USP36: variants seen among roughly 807,000 people sequenced by gnomAD.
USP36 encodes the protein ubiquitin specific peptidase 36.
Under a neutral mutation model 111.5 loss-of-function variants are expected in USP36, and 59 were observed. That is an observed-to-expected ratio of 0.53 (90% CI 0.43 to 0.66). The LOEUF (loss-of-function observed/expected upper bound fraction) is 0.66, where lower values mean the gene tolerates loss of function less well. Among genes scored for constraint, USP36 ranks in the 30% least tolerant of loss-of-function variants. The probability of loss-of-function intolerance (pLI) is 0.00; values close to 1 mark genes in which losing one functional copy is unlikely to be tolerated. For synonymous variants in USP36, 628 were observed against 581.0 expected, an observed-to-expected ratio of 1.08 and a Z score of -1.16; for missense variants, 1,488 against 1,468.0, an observed-to-expected ratio of 1.01 and a Z score of -0.22.
chr17:78,835,421 G>T lies in USP36; in HGVS notation c.334C>A (p.Leu112Met). The T allele has an allele frequency of 6.2e-7, 1 of 1,614,270 alleles. No homozygotes were observed. The highest frequency in any genetic ancestry group is 1.1e-5 in the South Asian group (1 of 91,090). ...KVLFPTERLS[L>M]RWERVFRVGA... ...ACGCGGAAGACCCGCTCCCACCTCA[G>T]AGACAGTCGCTCCGTGGGGAAAAGC... The change falls in exon 4 of 21, where the codon CTG becomes ATG. Residue 112 changes from leucine (L) to methionine (M), a missense_variant. Transcript: ENST00000449938.
intron 6 of USP36, among the ~76,000 whole-genome samples, chr17:78,822,561 G>A (rs908001765): frequency 2.0e-5 from 3 of 152,146 alleles, no homozygotes; most frequent in Non-Finnish European, 4.4e-5. Flanking sequence ...CGTGGGCTTC[G>A]GGGTCAGGAG....
chr17:78,819,193 C>T, intron 9 of USP36: 1 of 179,668 alleles, frequency 5.6e-6, no homozygotes, highest in Non-Finnish European at 1.2e-5. Flanking sequence ...CAGAGGCGCG[C>T]AGCTTGGAGA....
chr17:78,811,388 T>G (rs1488692076), intron 13 of USP36, among the ~76,000 whole-genome samples: 1 of 152,214 alleles, frequency 6.6e-6, no homozygotes, highest in East Asian at 1.9e-4. Context: ...TATGACTATG[T>G]ACGTATGCAT....
intron 3 of USP36, among the ~76,000 whole-genome samples, chr17:78,788,811 C>T (rs2093557282): frequency 6.6e-6 from 1 of 152,158 alleles, no homozygotes; most frequent in South Asian, 2.1e-4. Context: ...TGATGTCATT[C>T]CCCTCCACCA....
intron 6 of USP36, among the ~76,000 whole-genome samples, chr17:78,824,812 G>C (rs1012249426): frequency 1.3e-5 from 2 of 152,122 alleles, no homozygotes; most frequent in Non-Finnish European, 2.9e-5. Context: ...TCTAAGAAAG[G>C]GTTCAGAAAG....
At chr17:78,832,923 C>T (rs2068281950) in intron 4 of USP36, among the ~76,000 whole-genome samples, 1 of 152,092 alleles carries the variant, frequency 6.6e-6, no homozygotes, top group African/African-American at 2.4e-5. Context: ...CAGAGGCAGG[C>T]AGATCACCTG....
intron 6 of USP36, chr17:78,823,243 A>C: frequency 2.5e-6 from 1 of 398,626 alleles, no homozygotes; most frequent in Middle Eastern, 6.3e-4. Flanking sequence ...CATTCTTCAA[A>C]AGTGACCTTT....
At chr17:78,836,074 G>A (rs1760757365) in intron 3 of USP36, 37 bp downstream of exon 3, 1 of 1,602,936 alleles carries the variant, frequency 6.2e-7, no homozygotes, top group Non-Finnish European at 8.5e-7. Context: ...TCACCCCGGA[G>A]TGAGGGCCTC....
chr17:78,830,036 GC>G (rs2067943224), intron 4 of USP36, among the ~76,000 whole-genome samples: 1 of 152,222 alleles, frequency 6.6e-6, no homozygotes, highest in Admixed American at 6.5e-5. Context: ...ATCGAGCCCA[GC>G]CCCGACAGTG....
chr17:78,792,284 C>T (rs368781588), downstream of USP36, among the ~76,000 whole-genome samples: 46 of 152,066 alleles, frequency 3.0e-4, no homozygotes, highest in East Asian at 3.7e-3. Flanking sequence ...GAGTGAGACA[C>T]GGGAGCAGAC....
Position 78,807,184 on chromosome 17 carries a change from G to C in USP36, c.1860C>G (p.Ser620Arg), listed in dbSNP as rs201302268. 2.5e-6 allele frequency: 4 copies of C among 1,614,140 alleles called. No individual in the cohort carries two copies. The highest frequency in any genetic ancestry group is 2.2e-5 in the South Asian group (2 of 91,080). ...SSSSSPEHSA[S>R]SDSTKAPQTP... Reference sequence around the variant, plus strand: ...TCTGGGGGGCCTTGGTGGAGTCGCTGCTGGCCGAGTGCTCTGGGCTGGAGC... The same window carrying C: ...TCTGGGGGGCCTTGGTGGAGTCGCTCCTGGCCGAGTGCTCTGGGCTGGAGC... Residue 620 changes from serine to arginine, a missense_variant, in exon 14 of 21, where the codon AGC (serine) becomes AGG (arginine). Coordinates refer to ENST00000449938, the MANE Select transcript of USP36 (RefSeq NM_001385174.1).
At chr17:78,820,146 C>G (rs2094284457) in intron 8 of USP36, 134 bp from the exon 9 acceptor site, 1 of 817,824 alleles carries the variant, frequency 1.2e-6, no homozygotes. Flanking sequence ...AATTTGCCCA[C>G]TAGCTGCCAG....
At chr17:78,789,457 G>A (rs1434636662) in intron 3 of USP36, among the ~76,000 whole-genome samples, 1 of 152,106 alleles carries the variant, frequency 6.6e-6, no homozygotes, top group African/African-American at 2.4e-5. Context: ...AGCTCTGCCA[G>A]GGAGCAAGCC....
At chr17:78,794,165 C>T (rs997146062), downstream of USP36, among the ~76,000 whole-genome samples, 1 of 152,238 alleles carries the variant, frequency 6.6e-6, no homozygotes, top group South Asian at 2.1e-4. Flanking sequence ...AATCTCTTAG[C>T]TCTAGCCTTG....
chr17:78,807,164 G>A lies in USP36; in HGVS notation c.1880C>T (p.Pro627Leu), dbSNP rs372873518. 5.1e-5 allele frequency: 82 copies of A among 1,614,122 alleles called. No homozygotes were observed. The highest frequency in any genetic ancestry group is 3.3e-4 in the Middle Eastern group (2 of 6,080). ...HSASSDSTKA[P>L]QTPRSGAAHL... Reference sequence around the variant, plus strand: ...GGCCGCTCCACTCCTGGGGGTCTGGGGGGCCTTGGTGGAGTCGCTGCTGGC... The same window carrying A: ...GGCCGCTCCACTCCTGGGGGTCTGGAGGGCCTTGGTGGAGTCGCTGCTGGC... The change falls in exon 14 of 21, where the codon CCC becomes CTC. Residue 627 changes from proline (P) to leucine (L), a missense_variant. Physicochemically the swap from Pro to Leu is moderately conservative, Grantham distance 98 (BLOSUM62 -3). This residue lies in a region of USP36 where 1,073 missense variants were observed against 994.1 expected (regional missense o/e 1.08). Transcript: ENST00000449938.
Position 78,803,804 on chromosome 17 carries a change from C to T in USP36, c.2391G>A (p.Gln797=), listed in dbSNP as rs1208094117. ...VNEDLVSLPH[Q]LPEASEPPQS... is the part of the protein sequence containing the mutation. ...GGGGGGGCTCACTGGCCTCTGGCAACTGGTGTGGAAGAGACACAAGGTCCT... is the reference window on the plus strand; with the variant it reads ...GGGGGGGCTCACTGGCCTCTGGCAATTGGTGTGGAAGAGACACAAGGTCCT... The change falls in exon 16 of 21, where the codon CAG becomes CAA. Residue 797 remains glutamine (Q), a synonymous_variant. Transcript: ENST00000449938. The surrounding 1 kb of genome is among the most constrained non-coding windows in gnomAD (Gnocchi z 4.6). 1 of 1,612,778 alleles carries T rather than the reference C, an allele frequency of 6.2e-7. No homozygotes were observed. The highest frequency in any genetic ancestry group is 1.3e-5 in the African/African-American group (1 of 74,878).
chr17:78,808,466 G>C (rs1233842334), intron 13 of USP36, among the ~76,000 whole-genome samples: 1 of 152,086 alleles, frequency 6.6e-6, no homozygotes, highest in Non-Finnish European at 1.5e-5. Context: ...GCCCCGGCTA[G>C]CCTTGAATTC....
At chr17:78,818,897 T>C (rs564532010) in intron 9 of USP36, 119 bp from the exon 10 acceptor site, 1 of 1,026,276 alleles carries the variant, frequency 9.7e-7, no homozygotes, top group East Asian at 2.6e-5. Flanking sequence ...TCTTCATCAA[T>C]GAGATTTCGA....
At chr17:78,802,255 C>G (rs2093768461) in intron 17 of USP36, 69 bp downstream of exon 17, 2 of 1,479,044 alleles carry the variant, frequency 1.4e-6, no homozygotes. Context: ...CGGTGCACAC[C>G]CATGCGGTCC....
Sources: allele counts gnomAD v4.1 joint callset (sites outside exome capture counted in the v4.1 genomes callset), GRCh38; gene constraint gnomAD v4.1.1; regional missense constraint gnomAD v4.1.1; non-coding constraint Gnocchi (gnomAD v3.1); transcripts MANE v1.5; gene names NCBI Gene and HGNC (gene_info 2026-07-23, HGNC 2026-07-21).